The following MTDH variants were observed in gnomAD, a reference collection of about 807,000 sequenced individuals.
MTDH encodes the protein protein LYRIC.
Under a neutral mutation model 72.7 loss-of-function variants are expected in MTDH, and 34 were observed. The observed-to-expected ratio is 0.47, with a 90% CI of 0.36 to 0.62. MTDH has a LOEUF of 0.62. Ranked by LOEUF, MTDH falls within the 20% of genes least tolerant of loss-of-function variation. MTDH has a pLI of 0.00. For synonymous variants in MTDH, 266 were observed against 268.9 expected (o/e 0.99, Z 0.10); for missense variants, 677 against 699.4 (o/e 0.97, Z 0.36).
intron 1 of MTDH, among the ~76,000 whole-genome samples, chr8:97,652,788 C>T (rs974899012): frequency 1.3e-5 from 2 of 152,204 alleles, no homozygotes; most frequent in Non-Finnish European, 2.9e-5. Flanking sequence ...CACTTGCCAC[C>T]TATAGAGTTT....
At chr8:97,708,931 G>T (rs958566478) in intron 8 of MTDH, among the ~76,000 whole-genome samples, 1 of 151,932 alleles carries the variant, frequency 6.6e-6, no homozygotes, top group African/African-American at 2.4e-5. Flanking sequence ...ATATAGGCCG[G>T]GCACAGTGGC....
chr8:97,666,950 G>A (rs1337141463), intron 2 of MTDH, among the ~76,000 whole-genome samples: 1 of 151,934 alleles, frequency 6.6e-6, no homozygotes, highest in African/African-American at 2.4e-5. Flanking sequence ...ACCTGCCTCC[G>A]CCTCCCAAAG....
At chr8:97,724,457 A>G (rs762559918) in intron 11 of MTDH, 143 bp from the exon 12 acceptor site, 8 of 565,616 alleles carry the variant, frequency 1.4e-5, no homozygotes, top group African/African-American at 5.7e-5. Context: ...CTTAAAATAT[A>G]TAACGAGGGC....
chr8:97,713,716 A>G lies in MTDH; in HGVS notation c.1327A>G (p.Lys443Glu), dbSNP rs749792525. ...GEGALPTGKS[K>E]KKKKKKKKQG... ...GGGAGCTCTTCCAACTGGGAAATCCAAAAAGAAAAAAAAGAAAAAGAAGAA... is the reference window on the plus strand; with the variant it reads ...GGGAGCTCTTCCAACTGGGAAATCCGAAAAGAAAAAAAAGAAAAAGAAGAA... The change falls in exon 9 of 12, where the codon AAA (lysine) becomes GAA (glutamate). Residue 443 changes from lysine to glutamate, a missense_variant. Lys to Glu is a moderately conservative substitution (Grantham distance 56). Around this residue, in one of 3 missense-constraint regions of MTDH, gnomAD observed 201 missense variants for 204.5 expected, o/e 0.98. Transcript: ENST00000336273. 4 of 1,608,490 alleles carry G rather than the reference A, an allele frequency of 2.5e-6. No individual in the cohort carries two copies. Among genetic ancestry groups the G allele is most frequent in the Non-Finnish European group, 3.4e-6 (4 of 1,177,750 alleles).
chr8:97,653,365 C>G (rs570782544), intron 1 of MTDH, among the ~76,000 whole-genome samples: 1 of 152,306 alleles, frequency 6.6e-6, no homozygotes, highest in East Asian at 1.9e-4. Flanking sequence ...AAATTGCATT[C>G]AGAGAACAAA....
At chr8:97,674,723 G>A (rs538898223) in intron 2 of MTDH, among the ~76,000 whole-genome samples, 25 of 152,028 alleles carry the variant, frequency 1.6e-4, no homozygotes, top group African/African-American at 2.4e-4. Flanking sequence ...TCAGAAAATA[G>A]AACACTTTTT....
At chr8:97,647,246 G>A (rs1811601664) in intron 1 of MTDH, among the ~76,000 whole-genome samples, 1 of 149,824 alleles carries the variant, frequency 6.7e-6, no homozygotes, top group African/African-American at 2.5e-5. Context: ...TTCAGTCGTG[G>A]AAAAAGATAT....
At chr8:97,698,212 C>T (rs1433201520) in intron 6 of MTDH, among the ~76,000 whole-genome samples, 1 of 152,162 alleles carries the variant, frequency 6.6e-6, no homozygotes, top group Admixed American at 6.5e-5. Context: ...CTAACCATTT[C>T]TTTATACAGT....
At chr8:97,705,104 C>CTGACCAACA (rs1814293782) in intron 7 of MTDH, among the ~76,000 whole-genome samples, 1 of 152,066 alleles carries the variant, frequency 6.6e-6, no homozygotes, top group African/African-American at 2.4e-5. Flanking sequence ...CGAGACCAGC[C>CTGACCAACA]TGACCAACAT....
rs1268010071 is a variant in MTDH at position 97,652,771 on chromosome 8, G to C, written c.381+7884G>C. 2.0e-5 allele frequency among the ~76,000 whole-genome samples: 3 copies of C among 152,252 alleles called. No homozygotes were observed. In the East Asian group the frequency reaches 5.8e-4, roughly 29 times the overall value. ...TAGTTTTGCTGGTAATATTAAAAAAGTTATATCACTTGCCACCTATAGAGT... is the reference window on the plus strand; with the variant it reads ...TAGTTTTGCTGGTAATATTAAAAAACTTATATCACTTGCCACCTATAGAGT... On this transcript the variant is annotated intron_variant, in intron 1 of 11. Transcript: ENST00000336273.
chr8:97,681,389 T>C (rs1300808560), intron 2 of MTDH, among the ~76,000 whole-genome samples: 5 of 151,140 alleles, frequency 3.3e-5, no homozygotes, highest in Admixed American at 3.3e-4. Flanking sequence ...TTGTAAAAGG[T>C]AGGAAATATC....
intron 1 of MTDH, among the ~76,000 whole-genome samples, chr8:97,651,723 TC>T (rs1811780067): frequency 6.6e-6 from 1 of 152,252 alleles, no homozygotes; most frequent in South Asian, 2.1e-4. Flanking sequence ...TCTAGACTGT[TC>T]TGTCATCTCC....
intron 8 of MTDH, among the ~76,000 whole-genome samples, chr8:97,712,096 G>T (rs942878888): frequency 2.1e-4 from 32 of 152,286 alleles, no homozygotes; most frequent in African/African-American, 7.5e-4. Context: ...GGAGTGCAGT[G>T]GCATGATCTC....
chr8:97,645,239 C>T (rs748036815), intron 1 of MTDH, among the ~76,000 whole-genome samples: 16 of 152,182 alleles, frequency 1.1e-4, no homozygotes, highest in Middle Eastern at 3.4e-3. Context: ...GCATGTGGAG[C>T]GTAATGGGAC....
intron 2 of MTDH, among the ~76,000 whole-genome samples, chr8:97,663,380 T>G (rs1002996010): frequency 1.3e-5 from 2 of 152,120 alleles, no homozygotes; most frequent in Non-Finnish European, 2.9e-5. Context: ...AGGTGAGGTA[T>G]GTTTGTATGT....
intron 1 of MTDH, among the ~76,000 whole-genome samples, chr8:97,651,941 CT>C (rs990662182): frequency 3.3e-4 from 50 of 152,128 alleles, no homozygotes; most frequent in Non-Finnish European, 5.9e-5. Context: ...AAGAATCATC[CT>C]TGATTCTAAT....
chr8:97,664,717 TTTCTTTCCC>T (rs1812309629), intron 2 of MTDH, among the ~76,000 whole-genome samples: 1 of 152,062 alleles, frequency 6.6e-6, no homozygotes, highest in Non-Finnish European at 1.5e-5. Context: ...CTTTCTTTCT[TTTCTTTCCC>T]TTCTTTCTTC....
At chr8:97,658,336 G>C (rs1812056855) in intron 1 of MTDH, among the ~76,000 whole-genome samples, 1 of 152,236 alleles carries the variant, frequency 6.6e-6, no homozygotes, top group Non-Finnish European at 1.5e-5. Flanking sequence ...GATCATTTCA[G>C]AGCCTATGGA....
intron 2 of MTDH, among the ~76,000 whole-genome samples, chr8:97,683,982 A>C (rs996243939): frequency 6.6e-6 from 1 of 152,084 alleles, no homozygotes; most frequent in Non-Finnish European, 1.5e-5. Flanking sequence ...ATGGTAGCGC[A>C]TGCCTGTAAT....
Sources: allele counts gnomAD v4.1 joint callset (sites outside exome capture counted in the v4.1 genomes callset), GRCh38; gene constraint gnomAD v4.1.1; regional missense constraint gnomAD v4.1.1; transcripts MANE v1.5; gene names NCBI Gene and HGNC (gene_info 2026-07-23, HGNC 2026-07-21).